Variants in ZNF423 observed in about 807,000 individuals in gnomAD.
ZNF423 encodes zinc finger protein 423, also known as Ebf-associated zinc finger protein.
In ZNF423, 12 loss-of-function variants were observed where a neutral mutation model predicts 95.8. The observed-to-expected ratio is 0.13, with a 90% CI of 0.08 to 0.20. ZNF423 has a LOEUF of 0.20. Ranked by LOEUF, ZNF423 falls within the 10% of genes least tolerant of loss-of-function variation. ZNF423 has a pLI of 1.00. For synonymous variants in ZNF423, 749 were observed against 711.9 expected, an observed-to-expected ratio of 1.05 and a Z score of -0.83; for missense variants, 1,316 against 1,737.1, an observed-to-expected ratio of 0.76 and a Z score of 4.31.
intron 1 of ZNF423, among the ~76,000 whole-genome samples, chr16:49,853,080 A>G (rs934452784): frequency 8.5e-5 from 13 of 152,236 alleles, no homozygotes; most frequent in Non-Finnish European, 1.5e-4. Flanking sequence ...TCACAGCAGA[A>G]TGCTCGGGGC....
chr16:49,636,405 T>C lies in ZNF423; in HGVS notation c.2771A>G (p.Asp924Gly), dbSNP rs765351644. The change falls in exon 4 of 8, where the codon GAT becomes GGT. Residue 924 changes from aspartate to glycine, a missense_variant. Physicochemically the swap from Asp to Gly is moderately conservative, Grantham distance 94. This residue lies in a region of ZNF423 where 620 missense variants were observed against 775.6 expected (regional missense o/e 0.80). Transcript: ENST00000563137. This position sits in a 1 kb window ranked among gnomAD's most constrained non-coding sequence, Gnocchi z 8.6. Reference protein sequence around the residue: ...LRDHNIRPGEDDGSRKKAEFI... With the variant: ...LRDHNIRPGEGDGSRKKAEFI... ...CTCAGCCTTCTTGCGTGAGCCATCA[T>C]CCTCGCCCGGCCGGATATTGTGGTC... 18 of 1,613,110 alleles carry C rather than the reference T, an allele frequency of 1.1e-5. No individual in the cohort carries two copies. Among genetic ancestry groups the C allele is most frequent in the African/African-American group, 4.0e-5 (3 of 74,884 alleles).
rs1972793407 is a variant in ZNF423, at chr16:49,637,819, T to G, written c.1357A>C (p.Ile453Leu). The G allele has an allele frequency of 4.3e-6, 7 of 1,614,136 alleles. No individual in the cohort carries two copies. Among genetic ancestry groups the G allele is most frequent in the Non-Finnish European group, 5.9e-6 (7 of 1,180,022 alleles). Residue 453 changes from isoleucine (I) to leucine (L), a missense_variant, in exon 4 of 8, where the codon ATC (isoleucine) becomes CTC (leucine). This residue lies in a region of ZNF423 where 399 missense variants were observed against 478.5 expected (regional missense o/e 0.83). Transcript: ENST00000563137. This position sits in a 1 kb window ranked among gnomAD's most constrained non-coding sequence, Gnocchi z 5.6. ...DKPQQSHTCQ[I>L]CLDSMPTLYN... ...AGGGTGGGCATGGAGTCCAGGCAGA[T>G]CTGACATGTGTGGCTCTGCTGGGGC...
intron 3 of ZNF423, among the ~76,000 whole-genome samples, chr16:49,689,184 G>A (rs776175756): frequency 4.6e-5 from 7 of 152,042 alleles, no homozygotes; most frequent in Non-Finnish European, 7.3e-5. Flanking sequence ...GCTCATGCCT[G>A]TAATCCCAGC....
chr16:49,497,973 A>G (rs1967230680), intron 7 of ZNF423, among the ~76,000 whole-genome samples: 1 of 152,214 alleles, frequency 6.6e-6, no homozygotes, highest in Non-Finnish European at 1.5e-5. Flanking sequence ...TGCTTAAGGA[A>G]GAAGCTGGCC....
intron 1 of ZNF423, among the ~76,000 whole-genome samples, chr16:49,813,510 C>T (rs927269182): frequency 6.6e-5 from 10 of 152,340 alleles, no homozygotes; most frequent in African/African-American, 2.4e-4. Context: ...ATGGCCCAGG[C>T]TCATGCTTGA....
intron 1 of ZNF423, among the ~76,000 whole-genome samples, chr16:49,822,330 C>T (rs1210295193): frequency 3.9e-5 from 6 of 152,070 alleles, no homozygotes; most frequent in East Asian, 3.9e-4. Context: ...CCCACCACCA[C>T]GCCTGGCTAA....
chr16:49,530,124 C>G (rs991915534), intron 5 of ZNF423, among the ~76,000 whole-genome samples: 2 of 152,180 alleles, frequency 1.3e-5, no homozygotes, highest in African/African-American at 2.4e-5. Flanking sequence ...GTTACTTTGC[C>G]TCTCTGAGCT....
At chr16:49,660,279 G>C (rs2030139440) in intron 3 of ZNF423, among the ~76,000 whole-genome samples, 1 of 152,170 alleles carries the variant, frequency 6.6e-6, no homozygotes. Context: ...ATGAATAAAT[G>C]AATAAATGGA....
At chr16:49,808,143 C>T (rs1199828646) in intron 1 of ZNF423, among the ~76,000 whole-genome samples, 1 of 152,014 alleles carries the variant, frequency 6.6e-6, no homozygotes. Context: ...CTAAGTGCAG[C>T]TTCGAGCTCC....
At chr16:49,554,516 G>A (rs982004837) in intron 5 of ZNF423, among the ~76,000 whole-genome samples, 1 of 152,014 alleles carries the variant, frequency 6.6e-6, no homozygotes, top group Non-Finnish European at 1.5e-5. Flanking sequence ...CTGGGCAGTG[G>A]GTGGTGAGCA....
At position 49,517,411 on chromosome 16, in the gene ZNF423, A is replaced by C. The variant is rs569670373; in HGVS notation, c.3849+6213T>G. ...AATGCTCGAAGACAACTGTCCCTGC[A>C]TTTCTTCTGCAATCCATCCAAGTCT... On this transcript the variant is annotated intron_variant, in intron 7 of 7. Transcript: ENST00000563137. Among the ~76,000 whole-genome samples the C allele has an allele frequency of 3.4e-4, 52 of 152,302 alleles. No individual in the cohort carries two copies. In the Middle Eastern group the frequency reaches 0.017, roughly 50 times the overall value.
At chr16:49,856,412 C>T (rs2035370813), upstream of ZNF423, among the ~76,000 whole-genome samples, 1 of 129,312 alleles carries the variant, frequency 7.7e-6, no homozygotes, top group Non-Finnish European at 1.6e-5. Flanking sequence ...AGCGCGGAAG[C>T]TCAGTACCCC....
intron 3 of ZNF423, among the ~76,000 whole-genome samples, chr16:49,724,504 C>T (rs190850908): frequency 1.2e-4 from 19 of 152,336 alleles, no homozygotes; most frequent in South Asian, 2.1e-4. Flanking sequence ...CCACACTGCA[C>T]GACCAAAACA....
intron 5 of ZNF423, among the ~76,000 whole-genome samples, chr16:49,575,171 G>A (rs1240914019): frequency 6.6e-6 from 1 of 152,178 alleles, no homozygotes; most frequent in Non-Finnish European, 1.5e-5. Flanking sequence ...ACTCAGGAAA[G>A]TGGATATGCT....
intron 1 of ZNF423, among the ~76,000 whole-genome samples, chr16:49,815,879 AAAATATATATATATATATATATAT>A (rs2034835007): frequency 1.7e-5 from 1 of 59,616 alleles, no homozygotes; most frequent in Non-Finnish European, 2.9e-5. Context: ...ACAAAAAAAA[AAAATATATATATATATATATATAT>A]ATATATATAT....
intron 2 of ZNF423, among the ~76,000 whole-genome samples, chr16:49,750,148 G>T (rs535581812): frequency 1.3e-5 from 2 of 152,270 alleles, no homozygotes; most frequent in East Asian, 3.9e-4. Flanking sequence ...AGTCACATCG[G>T]GGCTGCTTCC....
intron 5 of ZNF423, among the ~76,000 whole-genome samples, chr16:49,564,203 T>C (rs988754865): frequency 6.6e-6 from 1 of 152,232 alleles, no homozygotes; most frequent in Non-Finnish European, 1.5e-5. Flanking sequence ...TGGCCATATA[T>C]TGTACTATTT....
chr16:49,583,721 A>G (rs1238481175), intron 5 of ZNF423, among the ~76,000 whole-genome samples: 1 of 152,252 alleles, frequency 6.6e-6, no homozygotes, highest in Non-Finnish European at 1.5e-5. Context: ...GCAAGTGCCT[A>G]GCAAGTGTGA....
intron 3 of ZNF423, among the ~76,000 whole-genome samples, chr16:49,641,857 G>A (rs138174689): frequency 2.0e-3 from 312 of 152,322 alleles, no homozygotes; most frequent in Admixed American, 4.8e-3. Context: ...ATGGGAGCAG[G>A]GACTGGCTGC....
Sources: gnomAD v4.1 joint callset for allele counts (sites outside exome capture counted in the v4.1 genomes callset) on GRCh38, gnomAD v4.1.1 for gene constraint, gnomAD v4.1.1 regional missense constraint, Gnocchi (gnomAD v3.1) non-coding constraint, MANE v1.5 for transcripts, NCBI Gene and HGNC (gene_info 2026-07-23, HGNC 2026-07-21) for gene names.